The following PCDH15 variants were observed in gnomAD, a reference collection of about 807,000 sequenced individuals.
PCDH15 encodes the protein protocadherin-15.
Under a neutral mutation model 178.5 loss-of-function variants are expected in PCDH15, and 129 were observed. The ratio of observed to expected loss-of-function variants is 0.72; its 90% confidence interval spans 0.63 to 0.84. The LOEUF (loss-of-function observed/expected upper bound fraction) is 0.84, where lower values mean the gene tolerates loss of function less well. Among genes scored for constraint, PCDH15 ranks in the 40% least tolerant of loss-of-function variants. The pLI, the probability that PCDH15 is intolerant of heterozygous loss-of-function variation, is 0.00. For missense variants in PCDH15, 2,230 were observed against 2,099.9 expected, an observed-to-expected ratio of 1.06 and a Z score of -1.21; for synonymous variants, 800 against 732.0, an observed-to-expected ratio of 1.09 and a Z score of -1.50.
intron 2 of PCDH15, among the ~76,000 whole-genome samples, chr10:55,613,525 T>C (rs1843413660): frequency 6.6e-6 from 1 of 152,192 alleles, no homozygotes; most frequent in African/African-American, 2.4e-5. Context: ...TTCCCTTTCA[T>C]TGAAAGGACA....
At chr10:55,482,238 C>T (rs1840197737) in intron 2 of PCDH15, among the ~76,000 whole-genome samples, 1 of 151,756 alleles carries the variant, frequency 6.6e-6, no homozygotes, top group African/African-American at 2.4e-5. Flanking sequence ...AGAGATGGGT[C>T]TCTTGAAGAC....
chr10:54,644,192 G>A (rs1043083337), intron 2 of PCDH15, among the ~76,000 whole-genome samples: 4 of 150,566 alleles, frequency 2.7e-5, no homozygotes, highest in Non-Finnish European at 3.0e-5. Flanking sequence ...GTGTATATGT[G>A]CCACATTTTC....
rs143575371 is a variant in PCDH15, at chr10:54,071,188, G to A, written c.2092-4303C>T. On this transcript the variant is annotated intron_variant, in intron 17 of 37. Coordinates refer to ENST00000644397, the MANE Select transcript of PCDH15 (RefSeq NM_001384140.1). Reference sequence around the variant, plus strand: ...TTGTAAATGCGCCTTGTATTATACAGTTTTGAGCAATGGATAAATAATACA... The same window carrying A: ...TTGTAAATGCGCCTTGTATTATACAATTTTGAGCAATGGATAAATAATACA... Among the ~76,000 whole-genome samples the A allele has an allele frequency of 5.3e-5, 8 of 152,222 alleles. No homozygotes were observed. In the East Asian group the frequency reaches 1.4e-3, roughly 26 times the overall value.
At chr10:54,951,623 G>C (rs1018670640) in intron 2 of PCDH15, among the ~76,000 whole-genome samples, 1 of 151,836 alleles carries the variant, frequency 6.6e-6, no homozygotes, top group African/African-American at 2.4e-5. Flanking sequence ...TTTTAGTTTT[G>C]TAAGAAACTG....
At chr10:54,396,783 T>C (rs1265464344) in intron 3 of PCDH15, among the ~76,000 whole-genome samples, 1 of 151,882 alleles carries the variant, frequency 6.6e-6, no homozygotes, top group South Asian at 2.1e-4. Flanking sequence ...CATCAGGAAA[T>C]ACTTAGGCAT....
chr10:54,710,995 G>T (rs1424983634), intron 1 of PCDH15, among the ~76,000 whole-genome samples: 1 of 151,950 alleles, frequency 6.6e-6, no homozygotes, highest in Non-Finnish European at 1.5e-5. Context: ...ATGATCACCT[G>T]TATATAAGGG....
At chr10:53,918,733 C>T (rs980130292) in intron 25 of PCDH15, among the ~76,000 whole-genome samples, 1 of 16,022 alleles carries the variant, frequency 6.2e-5, no homozygotes, top group Non-Finnish European at 1.3e-4. Context: ...CACACACACA[C>T]ACACACACAC....
At chr10:55,388,197 C>T (rs964638946) in intron 2 of PCDH15, among the ~76,000 whole-genome samples, 1 of 152,016 alleles carries the variant, frequency 6.6e-6, no homozygotes, top group Admixed American at 6.6e-5. Flanking sequence ...AAATATCAGT[C>T]TCTCCCGCCA....
chr10:54,343,720 C>T (rs532997732), intron 6 of PCDH15, among the ~76,000 whole-genome samples: 5 of 151,756 alleles, frequency 3.3e-5, no homozygotes, highest in Non-Finnish European at 7.4e-5. Flanking sequence ...AGGTGCAGCA[C>T]ACCAACATGG....
At chr10:54,100,316 G>A (rs1156891570) in intron 15 of PCDH15, among the ~76,000 whole-genome samples, 2 of 150,508 alleles carry the variant, frequency 1.3e-5, no homozygotes, top group African/African-American at 4.9e-5. Context: ...AGTCAGCCAA[G>A]ATCACATCAT....
intron 8 of PCDH15, among the ~76,000 whole-genome samples, chr10:54,297,300 AAGGC>A (rs1420759757): frequency 1.3e-5 from 2 of 152,128 alleles, no homozygotes; most frequent in African/African-American, 4.8e-5. Flanking sequence ...CCCTGAAAGA[AAGGC>A]AGCTCATTTT....
At position 54,421,860 on chromosome 10, in the gene PCDH15, TATACAC is replaced by T. The variant is rs1434628971; in HGVS notation, c.158-42924_158-42919del. 6.7e-5 allele frequency among the ~76,000 whole-genome samples: 6 copies of T among 89,592 alleles called. 1 individual carries two copies. Among genetic ancestry groups the T allele is most frequent in the African/African-American group, 2.9e-4 (6 of 20,786 alleles). The allele number at this position is 89,592 out of a possible 152,430, so 58.8% of individuals were successfully genotyped here. On this transcript the variant is annotated intron_variant, in intron 3 of 37. Transcript: ENST00000644397. ...TATACACACACACTATATATATATA[TATACAC>T]ACACTATATATATATATACACACAC...
At chr10:54,881,357 A>G (rs1049498145) in intron 3 of PCDH15, among the ~76,000 whole-genome samples, 7 of 152,114 alleles carry the variant, frequency 4.6e-5, no homozygotes, top group African/African-American at 1.7e-4. Context: ...AGGTCTCTAT[A>G]GAGTTTTTCA....
chr10:54,557,092 T>A (rs897325605), intron 2 of PCDH15, among the ~76,000 whole-genome samples: 1 of 152,178 alleles, frequency 6.6e-6, no homozygotes, highest in Admixed American at 6.5e-5. Flanking sequence ...AAAAGGCTAC[T>A]CACCTTGTCT....
chr10:55,329,488 T>C (rs7902177), intron 2 of PCDH15, among the ~76,000 whole-genome samples: 9,390 of 151,732 alleles, frequency 0.062, 665 homozygotes, highest in African/African-American at 0.18. Context: ...TCAGAACCAC[T>C]TTTTAGATAG....
At chr10:54,607,404 T>C (rs1287291107) in intron 2 of PCDH15, among the ~76,000 whole-genome samples, 1 of 151,978 alleles carries the variant, frequency 6.6e-6, no homozygotes, top group African/African-American at 2.4e-5. Context: ...ACCCAATATA[T>C]GATAACATGT....
At chr10:54,070,916 GTTGTTTT>G (rs920417330) in intron 17 of PCDH15, among the ~76,000 whole-genome samples, 1 of 151,898 alleles carries the variant, frequency 6.6e-6, no homozygotes, top group Non-Finnish European at 1.5e-5. Context: ...TGTTGTTGTT[GTTGTTTT>G]TTAATAGTAT....
intron 6 of PCDH15, among the ~76,000 whole-genome samples, chr10:54,330,227 T>G (rs994995055): frequency 4.6e-5 from 7 of 151,736 alleles, no homozygotes; most frequent in Non-Finnish European, 8.8e-5. Flanking sequence ...GAGAAATGTG[T>G]TGTTAGGTGA....
chr10:54,833,681 G>T (rs1953265069), intron 3 of PCDH15, among the ~76,000 whole-genome samples: 2 of 152,112 alleles, frequency 1.3e-5, no homozygotes, highest in Admixed American at 1.3e-4. Context: ...TCTTGCTCTT[G>T]CTCTCCCCTG....
Sources: allele counts gnomAD v4.1 joint callset (sites outside exome capture counted in the v4.1 genomes callset), GRCh38; gene constraint gnomAD v4.1.1; transcripts MANE v1.5; gene names NCBI Gene and HGNC (gene_info 2026-07-23, HGNC 2026-07-21).